NRXN2: variants seen among roughly 807,000 people sequenced by gnomAD.
The protein encoded by NRXN2 is neurexin 2.
A neutral mutation model predicts 128.8 loss-of-function variants in NRXN2; 29 were observed. That is an observed-to-expected ratio of 0.23 (90% CI 0.17 to 0.31). The LOEUF (loss-of-function observed/expected upper bound fraction) is 0.31, where lower values mean the gene tolerates loss of function less well. Among genes scored for constraint, NRXN2 ranks in the 10% least tolerant of loss-of-function variants. NRXN2 has a pLI of 1.00. For synonymous variants in NRXN2, 1,098 were observed against 1,075.2 expected, an observed-to-expected ratio of 1.02 and a Z score of -0.41; for missense variants, 1,881 against 2,452.6, an observed-to-expected ratio of 0.77 and a Z score of 4.92.
rs765408635 is a variant in NRXN2 at position 64,630,456 on chromosome 11, C to T, written c.3703G>A (p.Gly1235Ser). Residue 1235 changes from glycine (G) to serine (S), a missense_variant, in exon 19 of 23, where the codon GGC becomes AGC. Around this residue, in one of 7 missense-constraint regions of NRXN2, gnomAD observed 390 missense variants for 599.6 expected, o/e 0.65. Coordinates refer to ENST00000265459, the MANE Select transcript of NRXN2 (RefSeq NM_015080.4). This position sits in a 1 kb window ranked among gnomAD's most constrained non-coding sequence, Gnocchi z 4.6. ...CTGTCCACCTGCAGGGTGGCGTTGC[C>T]GCCGCTTCGAGTGAAGCGCACCACG... is the stretch of plus-strand genomic sequence containing the variant. ...YHVVRFTRSG[G>S]NATLQVDSWP... The T allele has an allele frequency of 3.1e-6, 5 of 1,613,512 alleles. No homozygotes were observed. The South Asian group carries it at 5.5e-5, about 18-fold the overall frequency.
At chr11:64,702,152 C>G (rs1312152030) in intron 2 of NRXN2, among the ~76,000 whole-genome samples, 14 of 145,248 alleles carry the variant, frequency 9.6e-5, no homozygotes, top group African/African-American at 3.3e-4. Flanking sequence ...CCCCACCCGG[C>G]CAGCCGCCCC....
At chr11:64,676,856 G>A (rs1412269216) in intron 7 of NRXN2, 137 bp downstream of exon 7, 3 of 720,724 alleles carry the variant, frequency 4.2e-6, no homozygotes, top group African/African-American at 3.5e-5. Context: ...TCTAAAGATT[G>A]TCCAGGACGC....
rs1418733682 is a variant in NRXN2, at chr11:64,713,408, G to A, written c.292C>T (p.Pro98Ser). 3 of 1,488,934 alleles carry A rather than the reference G, an allele frequency of 2.0e-6. No individual in the cohort carries two copies. The highest frequency in any genetic ancestry group is 2.2e-5 in the Admixed American group (1 of 46,100). 92.2% of individuals were successfully genotyped at this position (1,488,934 alleles called of 1,614,324 possible). ...RLRFTLSCAEPATLQLDTPVA... is the reference protein window; with the variant it reads ...RLRFTLSCAESATLQLDTPVA... ...GGCGTGTCCAGCTGCAGCGTGGCCG[G>A]CTCGGCGCACGAAAGCGTGAAGCGC... The change falls in exon 2 of 23, where the codon CCG (proline) becomes TCG (serine). Residue 98 changes from proline (P) to serine (S), a missense_variant. Coordinates refer to ENST00000265459, the MANE Select transcript of NRXN2 (RefSeq NM_015080.4).
At chr11:64,708,098 C>CAA (rs1333066704) in intron 2 of NRXN2, among the ~76,000 whole-genome samples, 7 of 128,194 alleles carry the variant, frequency 5.5e-5, no homozygotes, top group African/African-American at 8.5e-5. Flanking sequence ...AACTCCGTCT[C>CAA]AAAAAAAAAA....
At position 64,713,383 on chromosome 11, in the gene NRXN2, G is replaced by A; in HGVS notation, c.317C>T (p.Pro106Leu). ...CATGTGCCAGCGGTCGTCGGCCACC[G>A]GCGTGTCCAGCTGCAGCGTGGCCGG... ...AEPATLQLDTPVADDRWHMVL... is the reference protein window; with the variant it reads ...AEPATLQLDTLVADDRWHMVL... The change falls in exon 2 of 23, where the codon CCG becomes CTG. Residue 106 changes from proline (P) to leucine (L), a missense_variant. Around this residue, in one of 7 missense-constraint regions of NRXN2, gnomAD observed 997 missense variants for 1,240.8 expected, o/e 0.80. Coordinates refer to ENST00000265459, the MANE Select transcript of NRXN2 (RefSeq NM_015080.4). 2 of 1,464,374 alleles carry A rather than the reference G, an allele frequency of 1.4e-6. No individual in the cohort carries two copies. The highest frequency in any genetic ancestry group is 1.5e-5 in the African/African-American group (1 of 68,186). 90.7% of individuals were successfully genotyped at this position (1,464,374 alleles called of 1,614,324 possible).
chr11:64,679,214 G>A (rs972806085), intron 6 of NRXN2, among the ~76,000 whole-genome samples: 1 of 152,208 alleles, frequency 6.6e-6, no homozygotes. Flanking sequence ...GGAAGAAAAA[G>A]GCATTGGAGG....
intron 17 of NRXN2, chr11:64,642,588 G>C (rs776460973): frequency 6.2e-7 from 1 of 1,610,590 alleles, no homozygotes; most frequent in Middle Eastern, 1.7e-4. Context: ...CGATGGGCAC[G>C]GTGCCGTGCT....
chr11:64,640,040 A>G (rs980031480), intron 17 of NRXN2, among the ~76,000 whole-genome samples: 1 of 151,812 alleles, frequency 6.6e-6, no homozygotes, highest in African/African-American at 2.4e-5. Context: ...CCTTCCTCTC[A>G]GCTGCCCCAC....
intron 7 of NRXN2, among the ~76,000 whole-genome samples, chr11:64,669,372 C>G (rs1369172459): frequency 6.6e-6 from 1 of 152,162 alleles, no homozygotes; most frequent in Non-Finnish European, 1.5e-5. Flanking sequence ...CTACATCAAC[C>G]CACTCTTCCT....
intron 9 of NRXN2, among the ~76,000 whole-genome samples, chr11:64,661,990 C>A (rs1429831819): frequency 1.3e-5 from 2 of 151,812 alleles, no homozygotes; most frequent in Non-Finnish European, 2.9e-5. Flanking sequence ...TGGTGGTTCA[C>A]GCCTGTAATC....
chr11:64,706,069 TATATATATA>T (rs1245508550), intron 2 of NRXN2, among the ~76,000 whole-genome samples: 35 of 91,102 alleles, frequency 3.8e-4, no homozygotes, highest in Non-Finnish European at 6.4e-4. Flanking sequence ...CACTTTTATA[TATATATATA>T]ATATATATAA....
chr11:64,722,448 C>G (rs1290632425), intron 1 of NRXN2, among the ~76,000 whole-genome samples: 5 of 152,032 alleles, frequency 3.3e-5, no homozygotes, highest in Non-Finnish European at 7.4e-5. Flanking sequence ...TCCCATCCCC[C>G]AGGAAAGCCT....
Position 64,606,266 on chromosome 11 carries a change from G to GA in NRXN2, c.*929dup, listed in dbSNP as rs892080858. The GA allele has an allele frequency of 1.2e-4, 19 of 152,472 alleles. No individual in the cohort carries two copies. Among genetic ancestry groups the GA allele is most frequent in the African/African-American group, 3.6e-4 (15 of 41,500 alleles). The allele number at this position is 152,472 out of a possible 1,614,324, so 9.4% of individuals were successfully genotyped here. A position where few individuals can be genotyped will look rare whatever the true frequency, so the allele number is the denominator to read the frequency against. Reference sequence around the variant, plus strand: ...TCAGACACATTTGTTAACAAAGAGAGAAAAAAAACTGGGGGAGCAGGGAGC... The same window carrying GA: ...TCAGACACATTTGTTAACAAAGAGAGAAAAAAAAACTGGGGGAGCAGGGAGC... On this transcript the variant is annotated 3_prime_UTR_variant, in exon 23 of 23. Transcript: ENST00000265459.
In NRXN2 at chr11:64,630,622, T is replaced by C. The variant is rs750630775; in HGVS notation, c.3586-49A>G. On this transcript the variant is annotated intron_variant, in intron 18 of 22. Transcript: ENST00000265459. This position sits in a 1 kb window ranked among gnomAD's most constrained non-coding sequence, Gnocchi z 4.6. ...AGCGACCAGAGGGAGCAACCATTCA[T>C]CCCTTCTAGTGGCTACTCCTGTGAC... The C allele has an allele frequency of 1.2e-6, 2 of 1,606,940 alleles. No individual in the cohort carries two copies. Among genetic ancestry groups the C allele is most frequent in the East Asian group, 4.5e-5 (2 of 44,784 alleles).
chr11:64,686,791 G>A (rs1377074085), intron 5 of NRXN2, among the ~76,000 whole-genome samples: 1 of 152,208 alleles, frequency 6.6e-6, no homozygotes, highest in East Asian at 1.9e-4. Flanking sequence ...GCATGTCTGT[G>A]TGTGTGCATG....
chr11:64,712,603 G>C, intron 2 of NRXN2: 2 of 390,402 alleles, frequency 5.1e-6, no homozygotes, highest in South Asian at 2.0e-5. Context: ...CCCTGTCCAC[G>C]CAGACCCCCA....
At chr11:64,712,887 CCA>C in intron 2 of NRXN2, 81 bp downstream of exon 2, 1 of 1,244,524 alleles carries the variant, frequency 8.0e-7, no homozygotes, top group Non-Finnish European at 1.1e-6. Context: ...CCTCAGGAGC[CCA>C]CACACACTCC....
At chr11:64,705,868 C>T (rs1041565087) in intron 2 of NRXN2, among the ~76,000 whole-genome samples, 3 of 149,354 alleles carry the variant, frequency 2.0e-5, no homozygotes, top group South Asian at 2.1e-4. Flanking sequence ...GAGGAAGAAT[C>T]CTACAGTTTC....
At chr11:64,633,279 A>G (rs1398326109) in intron 18 of NRXN2, among the ~76,000 whole-genome samples, 1 of 152,208 alleles carries the variant, frequency 6.6e-6, no homozygotes, top group Non-Finnish European at 1.5e-5. Context: ...TAACAGGCAC[A>G]GAGGCCCACA....
Sources: gnomAD v4.1 joint callset for allele counts (sites outside exome capture counted in the v4.1 genomes callset) on GRCh38, gnomAD v4.1.1 for gene constraint, gnomAD v4.1.1 regional missense constraint, Gnocchi (gnomAD v3.1) non-coding constraint, MANE v1.5 for transcripts, NCBI Gene and HGNC (gene_info 2026-07-23, HGNC 2026-07-21) for gene names.